SLFN11: variants seen among roughly 807,000 people sequenced by gnomAD.
SLFN11 encodes schlafen family member 11.
Under a neutral mutation model 53.4 loss-of-function variants are expected in SLFN11, and 43 were observed. The observed-to-expected ratio is 0.80, with a 90% CI of 0.63 to 1.04. The LOEUF is 1.04. Ranked by LOEUF, SLFN11 falls within the 50% of genes least tolerant of loss-of-function variation. The probability of loss-of-function intolerance (pLI) is 0.00; values close to 1 mark genes in which losing one functional copy is unlikely to be tolerated. For missense variants in SLFN11, 990 were observed against 1,079.1 expected (o/e 0.92, Z 1.16); for synonymous variants, 389 against 394.7 (o/e 0.99, Z 0.17).
chr17:35,360,402 G>T (rs185636002), intron 4 of SLFN11, 31 bp from the exon 5 acceptor site: 1 of 1,580,288 alleles, frequency 6.3e-7, no homozygotes, highest in Non-Finnish European at 8.6e-7. Flanking sequence ...TTATTCTGAC[G>T]TGTTAATCTC....
At chr17:35,354,511 A>AT (rs1907227361) in intron 5 of SLFN11, among the ~76,000 whole-genome samples, 2 of 152,294 alleles carry the variant, frequency 1.3e-5, no homozygotes, top group African/African-American at 4.8e-5. Context: ...CACAGGAAGA[A>AT]GGTAGTCATT....
chr17:35,359,111 G>A (rs373190089), intron 5 of SLFN11, among the ~76,000 whole-genome samples: 3 of 152,176 alleles, frequency 2.0e-5, no homozygotes, highest in East Asian at 1.9e-4. Flanking sequence ...CAAAAGTTTG[G>A]TAGAAGTTTT....
In SLFN11 at chr17:35,352,599, G is replaced by T; in HGVS notation, c.2463C>A (p.His821Gln). 6.2e-7 allele frequency: 1 copy of T among 1,614,102 alleles called. No individual in the cohort carries two copies. Among genetic ancestry groups the T allele is most frequent in the Non-Finnish European group, 8.5e-7 (1 of 1,180,028 alleles). Residue 821 changes from histidine to glutamine, a missense_variant, in exon 7 of 7, where the codon CAC becomes CAA. His to Gln is a conservative substitution (Grantham distance 24, BLOSUM62 0). Transcript: ENST00000685675. ...VLVSTAKEVE[H>Q]YKYELLKAMR... ...TTGCTTTCAAGAGCTCATACTTATA[G>T]TGCTCCACTTCTTTTGCGGTGCTGA...
At position 35,354,037 on chromosome 17, in the gene SLFN11, A is replaced by G; in HGVS notation, c.1221T>C (p.Tyr407=). ...LFSVPPGYLR[Y]TPESLWRDLI... is the part of the protein sequence containing the mutation. ...GGTCCCTCCAGAGTGACTCTGGAGT[A>G]TATCGCAAATATCCTGGTGGGACTG... is the stretch of plus-strand genomic sequence containing the variant. The change falls in exon 6 of 7, where the codon TAT becomes TAC. Residue 407 remains tyrosine, a synonymous_variant. Coordinates refer to ENST00000685675, the MANE Select transcript of SLFN11 (RefSeq NM_001376007.1). The G allele has an allele frequency of 2.5e-6, 4 of 1,610,492 alleles. No individual in the cohort carries two copies. Among genetic ancestry groups the G allele is most frequent in the Non-Finnish European group, 3.4e-6 (4 of 1,177,954 alleles).
chr17:35,354,083 T>A (rs1907152575), intron 5 of SLFN11, 24 bp from the exon 6 acceptor site: 1 of 1,546,118 alleles, frequency 6.5e-7, no homozygotes, highest in African/African-American at 1.4e-5. Flanking sequence ...GAATGATAAA[T>A]TAGAGGAAGA....
intron 2 of SLFN11, 133 bp from the exon 3 acceptor site, chr17:35,367,196 T>C (rs1194390089): frequency 1.3e-5 from 2 of 152,178 alleles, no homozygotes; most frequent in Non-Finnish European, 2.9e-5. Context: ...AACATCTTTG[T>C]CAAGTTATTT....
At chr17:35,372,941 TC>T (rs751088460) in intron 1 of SLFN11, among the ~76,000 whole-genome samples, 3 of 152,120 alleles carry the variant, frequency 2.0e-5, no homozygotes, top group Non-Finnish European at 4.4e-5. Context: ...TTCTCCCCCC[TC>T]TAGATTATAA....
In SLFN11 at chr17:35,352,168, G is replaced by A. The variant is rs1906758189; in HGVS notation, c.*188C>T. On this transcript the variant is annotated 3_prime_UTR_variant, in exon 7 of 7. Coordinates refer to ENST00000685675, the MANE Select transcript of SLFN11 (RefSeq NM_001376007.1). The stretch of plus-strand genomic sequence containing the variant: ...TGGAAGAGTCAGGGGTCAGAATGGG[G>A]GGCAGCCACCGCTGCTGAAAGGGTT... 1.5e-6 allele frequency: 1 copy of A among 647,180 alleles called. No homozygotes were observed. Among genetic ancestry groups the A allele is most frequent in the Non-Finnish European group, 2.5e-6 (1 of 400,702 alleles). The allele number at this position is 647,180 out of a possible 1,614,324, so 40.1% of individuals were successfully genotyped here. A position where few individuals can be genotyped will look rare whatever the true frequency, so the allele number is the denominator to read the frequency against.
At position 35,363,103 on chromosome 17, in the gene SLFN11, G is replaced by A; in HGVS notation, c.705C>T (p.Val235=). 6.2e-7 allele frequency: 1 copy of A among 1,613,858 alleles called. No homozygotes were observed. Among genetic ancestry groups the A allele is most frequent in the Non-Finnish European group, 8.5e-7 (1 of 1,179,942 alleles). Residue 235 remains valine, a synonymous_variant, in exon 4 of 7, where the codon GTC becomes GTT. Transcript: ENST00000685675. ...CTCCTCCAGTGTTTGCAAATGCAGGGACGTATTCTGGAATTGTCCTTTTTA... is the reference window on the plus strand; with the variant it reads ...CTCCTCCAGTGTTTGCAAATGCAGGAACGTATTCTGGAATTGTCCTTTTTA... ...EYVKRTIPEY[V]PAFANTGGGY...
intron 1 of SLFN11, among the ~76,000 whole-genome samples, chr17:35,369,490 TG>T (rs1909388920): frequency 6.6e-6 from 1 of 152,096 alleles, no homozygotes; most frequent in South Asian, 2.1e-4. Flanking sequence ...CTCCAGTCCC[TG>T]GCTCCTGGAT....
At position 35,363,346 on chromosome 17, in the gene SLFN11, G is replaced by C; in HGVS notation, c.462C>G (p.Thr154=). The C allele has an allele frequency of 5.6e-6, 9 of 1,613,912 alleles. No individual in the cohort carries two copies. Among genetic ancestry groups the C allele is most frequent in the Non-Finnish European group, 7.6e-6 (9 of 1,179,978 alleles). The change falls in exon 4 of 7, where the codon ACC becomes ACG. Residue 154 remains threonine (T), a synonymous_variant. Transcript: ENST00000685675. Reference sequence around the variant, plus strand: ...CTTCCAAGATTTTTGGCTTCCTTTTGGTCTTCAGGAAACAGAATGCCTCTC... The same window carrying C: ...CTTCCAAGATTTTTGGCTTCCTTTTCGTCTTCAGGAAACAGAATGCCTCTC... The part of the protein sequence containing the change: ...DSREAFCFLK[T]KRKPKILEEG...
chr17:35,362,800 G>T lies in SLFN11; in HGVS notation c.1008C>A (p.Asp336Glu). 4 of 1,610,232 alleles carry T rather than the reference G, an allele frequency of 2.5e-6. No individual in the cohort carries two copies. Among genetic ancestry groups the T allele is most frequent in the Non-Finnish European group, 3.4e-6 (4 of 1,178,268 alleles). The change falls in exon 4 of 7, where the codon GAC (aspartate) becomes GAA (glutamate). Residue 336 changes from aspartate (D) to glutamate (E), a missense_variant. Physicochemically the swap from Asp to Glu is conservative, Grantham distance 45 (BLOSUM62 2). This residue lies in a region of SLFN11 where 521 missense variants were observed against 516.2 expected (regional missense o/e 1.01). Coordinates refer to ENST00000685675, the MANE Select transcript of SLFN11 (RefSeq NM_001376007.1). The part of the protein sequence containing the change: ...SEAPNSWIVE[D>E]KYVCSLTTEK... ...CGGTTGTCAGGCTGCAGACGTACTT[G>T]TCCTCCACTATCCATGAATTGGGAG...
intron 4 of SLFN11, among the ~76,000 whole-genome samples, chr17:35,360,726 G>T (rs1193738114): frequency 6.6e-6 from 1 of 151,962 alleles, no homozygotes; most frequent in Non-Finnish European, 1.5e-5. Flanking sequence ...CTCTCCAACT[G>T]CCACCACCTC....
chr17:35,355,327 G>T (rs1174517134), intron 5 of SLFN11, among the ~76,000 whole-genome samples: 1 of 152,028 alleles, frequency 6.6e-6, no homozygotes, highest in Non-Finnish European at 1.5e-5. Context: ...TTGAGCCAGG[G>T]AATTTAAGGC....
At chr17:35,371,690 A>G (rs1909684334) in intron 1 of SLFN11, among the ~76,000 whole-genome samples, 1 of 152,150 alleles carries the variant, frequency 6.6e-6, no homozygotes, top group East Asian at 1.9e-4. Context: ...TCTCAAAAGA[A>G]GACAAATGGC....
Position 35,353,581 on chromosome 17 carries a change from G to A in SLFN11, c.1677C>T (p.Leu559=), listed in dbSNP as rs200931694. The A allele has an allele frequency of 3.7e-3, 4,489 of 1,222,428 alleles. 153 individuals are homozygous for A. In the African/African-American group the frequency reaches 0.068, roughly 18 times the overall value. The allele number at this position is 1,222,428 out of a possible 1,614,324, so 75.7% of individuals were successfully genotyped here. The change falls in exon 6 of 7, where the codon CTC becomes CTT. Residue 559 remains leucine, a synonymous_variant. Coordinates refer to ENST00000685675, the MANE Select transcript of SLFN11 (RefSeq NM_001376007.1). ...GGTCACTCAAGAGAGACCTGAAGCC[G>A]AGTAAGACAATCACGAGGGACTGCA... is the stretch of plus-strand genomic sequence containing the variant. ...ALLQSLVIVL[L]GFRSLLSDQL...
At chr17:35,360,105 T>C (rs1486463706) in intron 5 of SLFN11, 138 bp downstream of exon 5, 1 of 865,180 alleles carries the variant, frequency 1.2e-6, no homozygotes, top group Non-Finnish European at 1.8e-6. Flanking sequence ...TTATCACCAA[T>C]AGGATTGTAA....
chr17:35,356,549 T>TA (rs2141940260), intron 5 of SLFN11, among the ~76,000 whole-genome samples: 1 of 152,210 alleles, frequency 6.6e-6, no homozygotes, highest in East Asian at 1.9e-4. Context: ...TCCCAACAGG[T>TA]AGCAAACCAT....
chr17:35,357,615 T>A (rs1374114267), intron 5 of SLFN11, among the ~76,000 whole-genome samples: 4 of 150,330 alleles, frequency 2.7e-5, no homozygotes, highest in African/African-American at 7.3e-5. Context: ...TAAACTAAAT[T>A]TTAATTTGTG....
Sources: allele counts gnomAD v4.1 joint callset (sites outside exome capture counted in the v4.1 genomes callset), GRCh38; gene constraint gnomAD v4.1.1; regional missense constraint gnomAD v4.1.1; transcripts MANE v1.5; gene names NCBI Gene and HGNC (gene_info 2026-07-23, HGNC 2026-07-21).